SLC8A1: variants seen among roughly 807,000 people sequenced by gnomAD.
SLC8A1 encodes solute carrier family 8 member A1, also known as sodium/calcium exchanger 1.
In SLC8A1, 18 loss-of-function variants were observed where a neutral mutation model predicts 68.3. The observed-to-expected ratio is 0.26, with a 90% confidence interval of 0.18 to 0.39. The LOEUF (loss-of-function observed/expected upper bound fraction) is 0.39. Ranked by LOEUF, SLC8A1 falls within the 10% of genes least tolerant of loss-of-function variation. The probability of loss-of-function intolerance (pLI) is 1.00; values close to 1 mark genes in which losing one functional copy is unlikely to be tolerated. For missense variants in SLC8A1, 985 were observed against 1,156.7 expected, an observed-to-expected ratio of 0.85 and a Z score of 2.15; for synonymous variants, 475 against 415.5, an observed-to-expected ratio of 1.14 and a Z score of -1.74.
intron 2 of SLC8A1, among the ~76,000 whole-genome samples, chr2:40,264,445 C>A (rs1027511803): frequency 6.6e-6 from 1 of 152,036 alleles, no homozygotes; most frequent in Non-Finnish European, 1.5e-5. Flanking sequence ...GACTTGGAAC[C>A]AACCCAAATG....
chr2:40,243,874 G>A (rs146730163), intron 2 of SLC8A1, among the ~76,000 whole-genome samples: 19 of 152,180 alleles, frequency 1.2e-4, no homozygotes, highest in African/African-American at 4.6e-4. Context: ...GAGTCTAAGT[G>A]CTAGATAAAC....
chr2:40,112,443 A>G (rs2034654952), exon 8 of SLC8A1: 1 of 152,586 alleles, frequency 6.6e-6, no homozygotes, highest in Non-Finnish European at 1.5e-5. Context: ...TAGAACATGA[A>G]AATTTAAAAA....
intron 2 of SLC8A1, chr2:40,254,659 A>G (rs754572575): frequency 4.6e-5 from 7 of 152,226 alleles, no homozygotes; most frequent in African/African-American, 7.2e-5. Context: ...ATACACTCCA[A>G]GGTAATGCCA....
At chr2:40,097,434 A>G (rs960540121) in exon 8 of SLC8A1, 2 of 152,058 alleles carry the variant, frequency 1.3e-5, no homozygotes, top group East Asian at 1.9e-4. Context: ...ATGTATGACA[A>G]ACAATGCTTC....
chr2:40,252,974 T>C (rs2063103715), intron 2 of SLC8A1, among the ~76,000 whole-genome samples: 1 of 146,198 alleles, frequency 6.8e-6, no homozygotes, highest in Admixed American at 6.9e-5. Flanking sequence ...TGTATGTACA[T>C]ATATGTATCT....
At chr2:40,414,945 A>G (rs2149714766) in intron 2 of SLC8A1, among the ~76,000 whole-genome samples, 1 of 152,326 alleles carries the variant, frequency 6.6e-6, no homozygotes, top group African/African-American at 2.4e-5. Context: ...CAATATTGGG[A>G]AAGAAGGCCA....
chr2:40,323,463 T>C (rs964382837), intron 2 of SLC8A1, among the ~76,000 whole-genome samples: 1 of 152,168 alleles, frequency 6.6e-6, no homozygotes, highest in Admixed American at 6.6e-5. Context: ...GATTAATCTA[T>C]TCAACATAAA....
chr2:40,171,301 C>A (rs1443519379), intron 4 of SLC8A1, among the ~76,000 whole-genome samples: 2 of 152,146 alleles, frequency 1.3e-5, no homozygotes, highest in Non-Finnish European at 2.9e-5. Flanking sequence ...AGTCTTGTGT[C>A]TTATTAAGTC....
intron 1 of SLC8A1, among the ~76,000 whole-genome samples, chr2:40,431,638 G>T (rs1433879000): frequency 1.3e-5 from 2 of 152,136 alleles, no homozygotes; most frequent in African/African-American, 4.8e-5. Flanking sequence ...TTGCAGGATG[G>T]ACTAGTTATG....
intron 2 of SLC8A1, among the ~76,000 whole-genome samples, chr2:40,214,275 G>C (rs940745413): frequency 6.6e-6 from 1 of 152,112 alleles, no homozygotes; most frequent in African/African-American, 2.4e-5. Flanking sequence ...TCTGGAGTCT[G>C]CTTTGCCCAC....
exon 6 of SLC8A1, chr2:40,160,768 C>T (rs759094603): frequency 6.2e-7 from 1 of 1,612,798 alleles, no homozygotes; most frequent in Non-Finnish European, 8.5e-7. Context: ...CACTCACCAG[C>T]ACTGACAGTG....
intron 7 of SLC8A1, among the ~76,000 whole-genome samples, chr2:40,138,489 C>T (rs1029137067): frequency 2.6e-5 from 4 of 152,106 alleles, no homozygotes; most frequent in African/African-American, 9.7e-5. Context: ...GGTATTGTTG[C>T]TCAAAGTAAA....
intron 2 of SLC8A1, among the ~76,000 whole-genome samples, chr2:40,426,186 C>T (rs544334938): frequency 2.0e-5 from 3 of 152,054 alleles, no homozygotes; most frequent in African/African-American, 7.2e-5. Flanking sequence ...TAATTTCATT[C>T]CACTTATAAG....
At chr2:40,178,414 G>C (rs971561099) in intron 2 of SLC8A1, 1 of 1,613,724 alleles carries the variant, frequency 6.2e-7, no homozygotes, top group African/African-American at 1.3e-5. Flanking sequence ...TCCACCAGGC[G>C]GGGCTCTCCA....
chr2:40,128,638 A>T (rs966393422), intron 7 of SLC8A1, among the ~76,000 whole-genome samples: 2 of 152,150 alleles, frequency 1.3e-5, no homozygotes, highest in Non-Finnish European at 2.9e-5. Flanking sequence ...TGCTAATTCT[A>T]AGCGCCATTG....
At chr2:40,181,386 A>G (rs777310875) in intron 2 of SLC8A1, among the ~76,000 whole-genome samples, 1 of 152,250 alleles carries the variant, frequency 6.6e-6, no homozygotes, top group Non-Finnish European at 1.5e-5. Context: ...TAGGATCACA[A>G]TTCTTAGAAA....
At chr2:40,226,294 A>G (rs747411862) in intron 2 of SLC8A1, among the ~76,000 whole-genome samples, 1 of 152,244 alleles carries the variant, frequency 6.6e-6, no homozygotes, top group South Asian at 2.1e-4. Flanking sequence ...ATAATGATCC[A>G]AGGCTCAAGA....
chr2:40,224,400 C>T (rs1373874356), intron 2 of SLC8A1, among the ~76,000 whole-genome samples: 12 of 152,058 alleles, frequency 7.9e-5, no homozygotes, highest in Admixed American at 4.6e-4. Context: ...CCAAGAGATA[C>T]ATTTCCATCA....
intron 1 of SLC8A1, among the ~76,000 whole-genome samples, chr2:40,437,939 C>A (rs1391549372): frequency 1.3e-5 from 2 of 152,080 alleles, no homozygotes; most frequent in African/African-American, 4.8e-5. Context: ...GAAACCAGGA[C>A]CCTTCCATTA....
Sources: allele counts gnomAD v4.1 joint callset (sites outside exome capture counted in the v4.1 genomes callset), GRCh38; gene constraint gnomAD v4.1.1; transcripts MANE v1.5; gene names NCBI Gene and HGNC (gene_info 2026-07-23, HGNC 2026-07-21).